Variants in ANK3 observed in about 807,000 individuals in gnomAD.
ANK3 encodes the protein ankyrin-3.
In ANK3, 57 loss-of-function variants were observed where a neutral mutation model predicts 370.9. The observed-to-expected ratio is 0.15, with a 90% CI of 0.12 to 0.19. The LOEUF is 0.19. Ranked by LOEUF, ANK3 falls within the 10% of genes least tolerant of loss-of-function variation. The probability of loss-of-function intolerance (pLI) is 1.00; values close to 1 mark genes in which losing one functional copy is unlikely to be tolerated. For synonymous variants in ANK3, 1,929 were observed against 1,946.3 expected (o/e 0.99, Z 0.23); for missense variants, 4,439 against 5,302.1 (o/e 0.84, Z 5.06).
intron 2 of ANK3, among the ~76,000 whole-genome samples, chr10:60,582,785 G>T (rs1050840190): frequency 1.3e-5 from 2 of 151,946 alleles, no homozygotes; most frequent in Non-Finnish European, 2.9e-5. Context: ...TCTGTTGACT[G>T]CTTCCCTCAC....
chr10:60,231,986 G>C (rs1170433952), intron 8 of ANK3, among the ~76,000 whole-genome samples: 1 of 152,166 alleles, frequency 6.6e-6, no homozygotes, highest in Non-Finnish European at 1.5e-5. Context: ...CAGAAACCAA[G>C]TTGCACACCA....
chr10:60,165,484 C>CTAAAT, intron 23 of ANK3, among the ~76,000 whole-genome samples: 1 of 152,268 alleles, frequency 6.6e-6, no homozygotes, highest in South Asian at 2.1e-4. Flanking sequence ...CCAGATCCTC[C>CTAAAT]GAGGTCCCTA....
intron 2 of ANK3, among the ~76,000 whole-genome samples, chr10:60,583,518 G>GTTT (rs970464761): frequency 9.5e-6 from 1 of 105,766 alleles, no homozygotes. Flanking sequence ...TTTGTTTTTT[G>GTTT]TTTTTTGTTT....
At chr10:60,304,006 G>A (rs1298392216) in intron 1 of ANK3, among the ~76,000 whole-genome samples, 1 of 151,636 alleles carries the variant, frequency 6.6e-6, no homozygotes, top group Non-Finnish European at 1.5e-5. Flanking sequence ...GAAATTAGCC[G>A]GACACAGAAA....
intron 1 of ANK3, among the ~76,000 whole-genome samples, chr10:60,355,233 C>T (rs1309120372): frequency 6.6e-6 from 1 of 152,034 alleles, no homozygotes; most frequent in Non-Finnish European, 1.5e-5. Flanking sequence ...TCAAGATTTA[C>T]AAACCAACAA....
At chr10:60,178,542 G>T (rs1467235408) in intron 18 of ANK3, among the ~76,000 whole-genome samples, 5 of 152,124 alleles carry the variant, frequency 3.3e-5, no homozygotes, top group Non-Finnish European at 7.4e-5. Context: ...TTATGATGAT[G>T]ACTTTGTTAT....
At chr10:60,143,719 C>T (rs571768065) in intron 23 of ANK3, among the ~76,000 whole-genome samples, 1 of 152,136 alleles carries the variant, frequency 6.6e-6, no homozygotes, top group African/African-American at 2.4e-5. Flanking sequence ...TGCATAGTAC[C>T]CCTAAATTGA....
rs763572409 is a variant in ANK3, at chr10:60,263,976, G to C, written c.558C>G (p.Asp186Glu). The change falls in exon 6 of 44, where the codon GAC becomes GAG. Residue 186 changes from aspartate (D) to glutamate (E), a missense_variant. Physicochemically the swap from Asp to Glu is conservative, Grantham distance 45 (BLOSUM62 2). Transcript: ENST00000280772. ...TCTCTAGCAGGAGCGAAACGACTTG[G>C]TCGTGACCTTGTTGCAAAGCCACTG... ...PLAVALQQGHDQVVSLLLEND... is the reference protein window; with the variant it reads ...PLAVALQQGHEQVVSLLLEND... The C allele has an allele frequency of 6.2e-7, 1 of 1,614,108 alleles. No individual in the cohort carries two copies. Among genetic ancestry groups the C allele is most frequent in the East Asian group, 2.2e-5 (1 of 44,870 alleles).
intron 1 of ANK3, among the ~76,000 whole-genome samples, chr10:60,696,913 CAGG>C (rs1351737050): frequency 6.9e-6 from 1 of 143,980 alleles, no homozygotes; most frequent in East Asian, 2.0e-4. Context: ...GGCAATCAGG[CAGG>C]AGAAGGAAAT....
At chr10:60,575,172 A>G (rs1471218534) in intron 2 of ANK3, among the ~76,000 whole-genome samples, 1 of 152,224 alleles carries the variant, frequency 6.6e-6, no homozygotes, top group Non-Finnish European at 1.5e-5. Flanking sequence ...AAATTAATGT[A>G]AAATTTAGGA....
At chr10:60,726,047 T>TTGTAATTACTTCAACAA (rs1165138351) in intron 1 of ANK3, among the ~76,000 whole-genome samples, 2 of 152,238 alleles carry the variant, frequency 1.3e-5, no homozygotes, top group African/African-American at 4.8e-5. Context: ...GCCTTGAATT[T>TTGTAATTACTTCAACAA]TGTAATTACT....
chr10:60,582,681 A>G (rs1432063113), intron 2 of ANK3, among the ~76,000 whole-genome samples: 1 of 149,528 alleles, frequency 6.7e-6, no homozygotes, highest in Non-Finnish European at 1.5e-5. Flanking sequence ...TATAAAATAT[A>G]AATATATTGA....
intron 1 of ANK3, among the ~76,000 whole-genome samples, chr10:60,665,061 A>AT (rs1458217116): frequency 6.6e-6 from 1 of 151,346 alleles, no homozygotes; most frequent in Non-Finnish European, 1.5e-5. Flanking sequence ...CATGTTGCCT[A>AT]TGATGACTCA....
intron 25 of ANK3, among the ~76,000 whole-genome samples, chr10:60,127,754 A>G (rs958120741): frequency 7.1e-6 from 1 of 141,676 alleles, no homozygotes; most frequent in Non-Finnish European, 1.5e-5. Context: ...GCTGGAGTGC[A>G]GTGGTGCGAT....
chr10:60,271,356 C>T (rs746268506), intron 4 of ANK3, among the ~76,000 whole-genome samples: 4 of 151,966 alleles, frequency 2.6e-5, no homozygotes, highest in South Asian at 2.1e-4. Context: ...AGGCATGCAC[C>T]GCCACACCTG....
chr10:60,621,410 A>G (rs1232201266), intron 1 of ANK3, among the ~76,000 whole-genome samples: 1 of 152,206 alleles, frequency 6.6e-6, no homozygotes, highest in Non-Finnish European at 1.5e-5. Context: ...GAAAGTACAG[A>G]TCTCCAAATA....
At chr10:60,413,200 C>T (rs570394495) in intron 2 of ANK3, among the ~76,000 whole-genome samples, 46 of 152,166 alleles carry the variant, frequency 3.0e-4, no homozygotes, top group Non-Finnish European at 6.3e-4. Context: ...TTTATTTTGG[C>T]CAATTTACTA....
At chr10:60,518,911 G>T (rs2076286209) in intron 2 of ANK3, among the ~76,000 whole-genome samples, 3 of 152,120 alleles carry the variant, frequency 2.0e-5, no homozygotes, top group African/African-American at 7.2e-5. Context: ...CCATGGCGTT[G>T]CTGGGAAGCA....
At chr10:60,388,832 G>A (rs2062794714) in intron 1 of ANK3, among the ~76,000 whole-genome samples, 4 of 152,142 alleles carry the variant, frequency 2.6e-5, no homozygotes, top group Admixed American at 6.5e-5. Flanking sequence ...ACAAAAGAAA[G>A]TTATTTCTAG....
Sources: allele counts gnomAD v4.1 joint callset (sites outside exome capture counted in the v4.1 genomes callset), GRCh38; gene constraint gnomAD v4.1.1; transcripts MANE v1.5; gene names NCBI Gene and HGNC (gene_info 2026-07-23, HGNC 2026-07-21).